PAXBP1: variants seen among roughly 807,000 people sequenced by gnomAD.
PAXBP1 encodes PAX3- and PAX7-binding protein 1.
A neutral mutation model predicts 119.9 loss-of-function variants in PAXBP1; 44 were observed. The ratio of observed to expected loss-of-function variants is 0.37; its 90% confidence interval spans 0.29 to 0.47. The LOEUF (loss-of-function observed/expected upper bound fraction) is 0.47, where lower values mean the gene tolerates loss of function less well. PAXBP1 is among the 20% of genes least tolerant of loss of function. PAXBP1 has a pLI of 0.99. For synonymous variants in PAXBP1, 393 were observed against 406.6 expected (o/e 0.97, Z 0.40); for missense variants, 898 against 1,134.1 (o/e 0.79, Z 2.99).
intron 11 of PAXBP1, 39 bp downstream of exon 11, chr21:32,748,460 A>G (rs1351491837): frequency 6.4e-7 from 1 of 1,555,674 alleles, no homozygotes; most frequent in South Asian, 1.2e-5. Context: ...CCCAGATATC[A>G]AATTATAACA....
intron 17 of PAXBP1, among the ~76,000 whole-genome samples, chr21:32,736,478 T>C (rs2043695149): frequency 6.6e-6 from 1 of 152,122 alleles, no homozygotes; most frequent in South Asian, 2.1e-4. Flanking sequence ...TGAGCCACCA[T>C]GCCTGGCCTA....
chr21:32,754,586 T>C (rs1231516390), intron 8 of PAXBP1, among the ~76,000 whole-genome samples: 1 of 152,226 alleles, frequency 6.6e-6, no homozygotes, highest in Non-Finnish European at 1.5e-5. Flanking sequence ...ACACATGTCA[T>C]AATGATGGAA....
At chr21:32,755,393 A>G in intron 7 of PAXBP1, 40 bp from the exon 8 acceptor site, 1 of 1,591,722 alleles carries the variant, frequency 6.3e-7, no homozygotes, top group Non-Finnish European at 8.5e-7. Flanking sequence ...CAAACTCCTC[A>G]GCTGCTTATT....
chr21:32,753,436 A>AC (rs992700131), intron 8 of PAXBP1, among the ~76,000 whole-genome samples: 52 of 151,894 alleles, frequency 3.4e-4, no homozygotes, highest in Non-Finnish European at 5.6e-4. Flanking sequence ...AAAAAAAAAA[A>AC]AAAAAAAAAA....
chr21:32,756,505 C>A, intron 7 of PAXBP1: 1 of 428,816 alleles, frequency 2.3e-6, no homozygotes. Flanking sequence ...TTATTTTGTT[C>A]TTTAATATGC....
chr21:32,765,797 C>A (rs911436944), intron 2 of PAXBP1, among the ~76,000 whole-genome samples: 4 of 151,986 alleles, frequency 2.6e-5, no homozygotes, highest in Admixed American at 2.0e-4. Flanking sequence ...TTAAAACTCA[C>A]TTTATCACAT....
chr21:32,766,635 T>TC (rs2044246263), intron 2 of PAXBP1, among the ~76,000 whole-genome samples: 1 of 152,202 alleles, frequency 6.6e-6, no homozygotes, highest in African/African-American at 2.4e-5. Context: ...CTACTTCCTC[T>TC]CCAACTTTTG....
In PAXBP1 at chr21:32,741,110, G is replaced by T. The variant is rs549465904; in HGVS notation, c.2334+2138C>A. ...GTGGGAGTAAGGAATAACCAGGACAGTAATAGGTTACTGGTAAGAACGCAA... is the reference window on the plus strand; with the variant it reads ...GTGGGAGTAAGGAATAACCAGGACATTAATAGGTTACTGGTAAGAACGCAA... On this transcript the variant is annotated intron_variant, in intron 15 of 17. Coordinates refer to ENST00000331923, the MANE Select transcript of PAXBP1 (RefSeq NM_016631.4). Among the ~76,000 whole-genome samples, 37 of 152,332 alleles carry T rather than the reference G, an allele frequency of 2.4e-4. 1 individual carries two copies. The South Asian group carries it at 7.7e-3, about 32-fold the overall frequency.
At chr21:32,742,740 A>G in intron 15 of PAXBP1, 1 of 276,912 alleles carries the variant, frequency 3.6e-6, no homozygotes, top group Non-Finnish European at 7.1e-6. Flanking sequence ...GTACAATAAC[A>G]TATTTTGAGA....
At chr21:32,745,770 C>T (rs566431457) in intron 11 of PAXBP1, 52 bp from the exon 12 acceptor site, 123 of 1,599,340 alleles carry the variant, frequency 7.7e-5, no homozygotes, top group Non-Finnish European at 9.9e-5. Flanking sequence ...GCTATTTCTG[C>T]TTCCAGCTAT....
chr21:32,738,442 A>ATTTC, intron 15 of PAXBP1, 123 bp from the exon 16 acceptor site: 4 of 723,042 alleles, frequency 5.5e-6, no homozygotes, highest in Non-Finnish European at 8.8e-6. Flanking sequence ...ACTAAGAAAT[A>ATTTC]TTAATACTTT....
chr21:32,762,238 A>T lies in PAXBP1; in HGVS notation c.729T>A (p.Pro243=). 6.2e-7 allele frequency: 1 copy of T among 1,614,134 alleles called. No homozygotes were observed. Among genetic ancestry groups the T allele is most frequent in the Non-Finnish European group, 8.5e-7 (1 of 1,180,030 alleles). Reference sequence around the variant, plus strand: ...GGCCTTTACCAGGCTCATTATCATGAGGAGTGAAATCTCCCAATTCTCGGG... The same window carrying T: ...GGCCTTTACCAGGCTCATTATCATGTGGAGTGAAATCTCCCAATTCTCGGG... ...QMARELGDFT[P]HDNEPGKGRL... The change falls in exon 4 of 18, where the codon CCT becomes CCA. Residue 243 remains proline, a synonymous_variant. Transcript: ENST00000331923.
Position 32,734,888 on chromosome 21 carries a change from A to G in PAXBP1, c.*62T>C. Reference sequence around the variant, plus strand: ...TTTTACAGTTTAAGAAACTTTACATATATACAAAATTTACACATTGGGAAT... The same window carrying G: ...TTTTACAGTTTAAGAAACTTTACATGTATACAAAATTTACACATTGGGAAT... On this transcript the variant is annotated 3_prime_UTR_variant, in exon 18 of 18. Transcript: ENST00000331923. The G allele has an allele frequency of 1.7e-6, 2 of 1,212,068 alleles. No individual in the cohort carries two copies. The highest frequency in any genetic ancestry group is 2.2e-4 in the Middle Eastern group (1 of 4,476). 75.1% of individuals were successfully genotyped at this position (1,212,068 alleles called of 1,614,324 possible).
intron 11 of PAXBP1, among the ~76,000 whole-genome samples, chr21:32,746,846 C>A (rs896510465): frequency 4.6e-5 from 7 of 152,226 alleles, no homozygotes; most frequent in African/African-American, 1.7e-4. Context: ...AAATGCCCAT[C>A]AATTATAGAC....
At chr21:32,769,061 A>C (rs1029220178) in intron 2 of PAXBP1, among the ~76,000 whole-genome samples, 1 of 152,226 alleles carries the variant, frequency 6.6e-6, no homozygotes, top group Non-Finnish European at 1.5e-5. Flanking sequence ...TTTATGAGAT[A>C]TTGTCTTCAC....
At chr21:32,768,346 G>A (rs954957961) in intron 2 of PAXBP1, among the ~76,000 whole-genome samples, 13 of 152,320 alleles carry the variant, frequency 8.5e-5, no homozygotes, top group South Asian at 4.1e-4. Context: ...TACCTAGTCT[G>A]TAGTATTGTT....
Position 32,764,513 on chromosome 21 carries a change from A to C in PAXBP1, c.484T>G (p.Leu162Val), listed in dbSNP as rs756590501. ...LNSSAESEQP[L>V]DKTGHVKDTN... ...TCCTTAACATGTCCTGTTTTGTCCA[A>C]AGGTTGTTCACCTAAATTTTTGAAG... is the stretch of plus-strand genomic sequence containing the variant. Residue 162 changes from leucine to valine, a missense_variant, in exon 3 of 18, where the codon TTG (leucine) becomes GTG (valine). By Grantham distance (32) the Leu-to-Val change is conservative. Transcript: ENST00000331923. 1.3e-6 allele frequency: 2 copies of C among 1,592,682 alleles called. No homozygotes were observed. The highest frequency in any genetic ancestry group is 1.2e-5 in the South Asian group (1 of 84,686).
At chr21:32,763,760 C>T (rs574887160) in intron 3 of PAXBP1, among the ~76,000 whole-genome samples, 6 of 152,102 alleles carry the variant, frequency 3.9e-5, no homozygotes, top group South Asian at 2.1e-4. Context: ...CCGAGGCAGG[C>T]GGATCACCTG....
chr21:32,753,395 C>T (rs2043988689), intron 8 of PAXBP1, among the ~76,000 whole-genome samples: 2 of 134,748 alleles, frequency 1.5e-5, no homozygotes, highest in African/African-American at 5.7e-5. Context: ...CATTGCACTC[C>T]AGCCTGGGCA....
Sources: gnomAD v4.1 joint callset for allele counts (sites outside exome capture counted in the v4.1 genomes callset) on GRCh38, gnomAD v4.1.1 for gene constraint, MANE v1.5 for transcripts, NCBI Gene and HGNC (gene_info 2026-07-23, HGNC 2026-07-21) for gene names.